CLSTN2: variants seen among roughly 807,000 people sequenced by gnomAD.
CLSTN2 encodes the protein calsyntenin-2.
A neutral mutation model predicts 101.2 loss-of-function variants in CLSTN2; 48 were observed. That is an observed-to-expected ratio of 0.47 (90% CI 0.38 to 0.60). The LOEUF is 0.60. Among genes scored for constraint, CLSTN2 ranks in the 20% least tolerant of loss-of-function variants. The pLI is 0.00. For synonymous variants in CLSTN2, 481 were observed against 463.6 expected (o/e 1.04, Z -0.48); for missense variants, 1,160 against 1,238.2 (o/e 0.94, Z 0.95).
rs529962795 is a variant in CLSTN2, at chr3:140,462,166, A to G, written c.1222+2397A>G. Among the ~76,000 whole-genome samples the G allele has an allele frequency of 3.3e-5, 5 of 152,044 alleles. No individual in the cohort carries two copies. The East Asian group carries it at 9.7e-4, about 30-fold the overall frequency. On this transcript the variant is annotated intron_variant, in intron 7 of 16. Coordinates refer to ENST00000458420, the MANE Select transcript of CLSTN2 (RefSeq NM_022131.3). ...TATTTTTGCTTCTGTGTATATGTAG[A>G]ATGCCTTTAAACTTTTATAATATCT...
At chr3:139,969,416 A>T (rs1935656365) in intron 1 of CLSTN2, among the ~76,000 whole-genome samples, 1 of 152,184 alleles carries the variant, frequency 6.6e-6, no homozygotes, top group East Asian at 1.9e-4. Context: ...TTTCTACAGT[A>T]GACCTTGAGT....
rs1304531681 is a variant in CLSTN2, at chr3:140,574,461, T to G, written c.*8208T>G. 1 of 152,230 alleles carries G rather than the reference T, an allele frequency of 6.6e-6. No homozygotes were observed. The highest frequency in any genetic ancestry group is 1.9e-4 in the East Asian group (1 of 5,186). The allele number at this position is 152,230 out of a possible 1,614,324, so 9.4% of individuals were successfully genotyped here. A position where few individuals can be genotyped will look rare whatever the true frequency, so the allele number is the denominator to read the frequency against. The stretch of plus-strand genomic sequence containing the variant: ...CCCAACTGAGGAGAGAAAACCCTAA[T>G]TTGTTAATGACCCAGCCTTGTGCTG... On this transcript the variant is annotated 3_prime_UTR_variant, in exon 17 of 17. Coordinates refer to ENST00000458420, the MANE Select transcript of CLSTN2 (RefSeq NM_022131.3).
intron 5 of CLSTN2, among the ~76,000 whole-genome samples, chr3:140,430,067 T>A (rs569041406): frequency 2.0e-5 from 3 of 152,306 alleles, no homozygotes; most frequent in African/African-American, 7.2e-5. Context: ...TTTTACTACA[T>A]GAAAGGCATT....
chr3:139,964,275 G>A (rs937627175), intron 1 of CLSTN2, among the ~76,000 whole-genome samples: 9 of 152,186 alleles, frequency 5.9e-5, no homozygotes, highest in South Asian at 2.1e-4. Flanking sequence ...CAGGGATACA[G>A]CCATGCAGGG....
chr3:140,392,827 T>C (rs2088131822), intron 2 of CLSTN2, among the ~76,000 whole-genome samples: 1 of 152,038 alleles, frequency 6.6e-6, no homozygotes, highest in Admixed American at 6.6e-5. Context: ...CTGGGTAATT[T>C]TTTTTAAAAA....
At chr3:140,155,569 C>G (rs576004050) in intron 1 of CLSTN2, among the ~76,000 whole-genome samples, 5 of 152,200 alleles carry the variant, frequency 3.3e-5, no homozygotes, top group Non-Finnish European at 5.9e-5. Context: ...GCAGGTTACT[C>G]AGATTCTAAG....
At chr3:139,997,848 C>T (rs2006717538) in intron 1 of CLSTN2, among the ~76,000 whole-genome samples, 1 of 151,924 alleles carries the variant, frequency 6.6e-6, no homozygotes, top group Admixed American at 6.6e-5. Flanking sequence ...ATTTATAGGC[C>T]ACTTTTAGAA....
intron 2 of CLSTN2, among the ~76,000 whole-genome samples, chr3:140,348,720 A>G (rs2087576119): frequency 6.6e-6 from 1 of 152,208 alleles, no homozygotes; most frequent in South Asian, 2.1e-4. Flanking sequence ...CCACATATGT[A>G]ATAGCCCAGT....
intron 1 of CLSTN2, among the ~76,000 whole-genome samples, chr3:140,103,418 A>C (rs2009000889): frequency 6.6e-6 from 1 of 152,132 alleles, no homozygotes; most frequent in Admixed American, 6.5e-5. Flanking sequence ...TTTTCTCTCA[A>C]CCACAATTTT....
chr3:140,526,505 G>A (rs1297148573), intron 8 of CLSTN2, among the ~76,000 whole-genome samples: 3 of 150,332 alleles, frequency 2.0e-5, no homozygotes, highest in East Asian at 2.0e-4. Flanking sequence ...CAATTTATAC[G>A]TTAAATGCTA....
At position 140,404,668 on chromosome 3, in the gene CLSTN2, A is replaced by G; in HGVS notation, c.539A>G (p.Gln180Arg). Residue 180 changes from glutamine (Q) to arginine (R), a missense_variant, in exon 4 of 17, where the codon CAG becomes CGG. Gln to Arg is a conservative substitution (Grantham distance 43, BLOSUM62 1). Transcript: ENST00000458420. ...TEGKIYDSIL[Q>R]VEAIDEDCSP... ...GGCAAGATCTATGACAGCATTCTGC[A>G]GGTGGAGGCCATTGACGAGGACTGC... is the stretch of plus-strand genomic sequence containing the variant. 1 of 1,614,210 alleles carries G rather than the reference A, an allele frequency of 6.2e-7. No homozygotes were observed. The highest frequency in any genetic ancestry group is 8.5e-7 in the Non-Finnish European group (1 of 1,180,020).
chr3:140,316,670 C>T (rs1479821094), intron 2 of CLSTN2, among the ~76,000 whole-genome samples: 1 of 152,148 alleles, frequency 6.6e-6, no homozygotes, highest in African/African-American at 2.4e-5. Flanking sequence ...CAAGCAGGTG[C>T]TTGGTGAATA....
At chr3:140,021,947 G>C (rs1307526418) in intron 1 of CLSTN2, among the ~76,000 whole-genome samples, 1 of 152,238 alleles carries the variant, frequency 6.6e-6, no homozygotes, top group African/African-American at 2.4e-5. Context: ...GACTTGCCGA[G>C]TCAGGCGGCA....
At chr3:140,179,678 T>C (rs1039292486) in intron 2 of CLSTN2, among the ~76,000 whole-genome samples, 5 of 124,478 alleles carry the variant, frequency 4.0e-5, no homozygotes, top group African/African-American at 1.5e-4. Context: ...TCATTTTGAA[T>C]ACTATACCTT....
chr3:140,329,895 G>A (rs1266592559), intron 2 of CLSTN2, among the ~76,000 whole-genome samples: 1 of 152,190 alleles, frequency 6.6e-6, no homozygotes, highest in East Asian at 1.9e-4. Flanking sequence ...CAAGAGCCAG[G>A]GCCAAGTTGG....
In CLSTN2 at chr3:140,427,244, T is replaced by TACAC. The variant is rs1553742795; in HGVS notation, c.787+5973_787+5974insCACA. ...ATATATGTGTGTATATATATATATATACATATATATATACATAAATTAAAA... is the reference window on the plus strand; with the variant it reads ...ATATATGTGTGTATATATATATATATACACACATATATATATACATAAATTAAAA... On this transcript the variant is annotated intron_variant, in intron 5 of 16. Transcript: ENST00000458420. 8.7e-3 allele frequency among the ~76,000 whole-genome samples: 1,106 copies of TACAC among 127,398 alleles called. 31 individuals are homozygous for TACAC. Among genetic ancestry groups the TACAC allele is most frequent in the South Asian group, 0.037 (161 of 4,314 alleles). 83.6% of individuals were successfully genotyped at this position (127,398 alleles called of 152,430 possible).
chr3:140,483,906 C>T (rs1366535783), intron 8 of CLSTN2, among the ~76,000 whole-genome samples: 2 of 152,146 alleles, frequency 1.3e-5, no homozygotes. Context: ...TGGGTCTTGA[C>T]TCTTTATCCA....
intron 2 of CLSTN2, among the ~76,000 whole-genome samples, chr3:140,264,636 A>G (rs150052316): frequency 1.1e-3 from 161 of 152,060 alleles, no homozygotes; most frequent in Non-Finnish European, 1.8e-3. Context: ...AGAACTGGCT[A>G]TAGTTGATAA....
intron 1 of CLSTN2, among the ~76,000 whole-genome samples, chr3:140,145,168 A>G (rs2009762593): frequency 6.6e-6 from 1 of 152,218 alleles, no homozygotes. Context: ...TGTGGTAAAT[A>G]TTTATCCAAT....
Sources: gnomAD v4.1 joint callset for allele counts (sites outside exome capture counted in the v4.1 genomes callset) on GRCh38, gnomAD v4.1.1 for gene constraint, MANE v1.5 for transcripts, NCBI Gene and HGNC (gene_info 2026-07-23, HGNC 2026-07-21) for gene names.